Variants in LTA4H observed in about 807,000 individuals in gnomAD.
LTA4H encodes leukotriene A-4 hydrolase.
Under a neutral mutation model 89.8 loss-of-function variants are expected in LTA4H, and 59 were observed. That is an observed-to-expected ratio of 0.66 (90% CI 0.53 to 0.82). The LOEUF is 0.82. Ranked by LOEUF, LTA4H falls within the 40% of genes least tolerant of loss-of-function variation. The pLI is 0.00. For missense variants in LTA4H, 617 were observed against 727.0 expected, an observed-to-expected ratio of 0.85 and a Z score of 1.74; for synonymous variants, 227 against 253.1, an observed-to-expected ratio of 0.90 and a Z score of 0.98.
intron 10 of LTA4H, among the ~76,000 whole-genome samples, chr12:96,016,586 G>A (rs1323581183): frequency 1.3e-5 from 2 of 150,668 alleles, no homozygotes; most frequent in East Asian, 2.0e-4. Context: ...GGGCCACAGA[G>A]TGAGACCTTG....
intron 11 of LTA4H, chr12:96,015,217 A>G: frequency 2.0e-6 from 1 of 505,778 alleles, no homozygotes; most frequent in Non-Finnish European, 3.4e-6. Flanking sequence ...GCTCAATAAT[A>G]CAGGCTTTAT....
chr12:96,017,759 A>T (rs1022242259), intron 8 of LTA4H, among the ~76,000 whole-genome samples, 179 bp from the exon 9 acceptor site: 3 of 152,216 alleles, frequency 2.0e-5, no homozygotes, highest in Non-Finnish European at 4.4e-5. Context: ...AGAACTAAAA[A>T]TTAGCATCAT....
At chr12:96,014,062 G>C in intron 12 of LTA4H, 2 of 410,712 alleles carry the variant, frequency 4.9e-6, no homozygotes, top group Non-Finnish European at 8.6e-6. Flanking sequence ...TTCAGTGGAA[G>C]GGAGAAGAGA....
intron 6 of LTA4H, among the ~76,000 whole-genome samples, chr12:96,019,903 T>TTG (rs1249266895): frequency 6.7e-6 from 1 of 149,428 alleles, no homozygotes; most frequent in Non-Finnish European, 1.5e-5. Flanking sequence ...CCCAGCGTTT[T>TTG]TTTTTTTTTT....
chr12:96,004,249 T>G (rs1470013812), intron 16 of LTA4H, among the ~76,000 whole-genome samples: 1 of 152,200 alleles, frequency 6.6e-6, no homozygotes, highest in Non-Finnish European at 1.5e-5. Flanking sequence ...CTCTATAACT[T>G]ATATATCTTA....
chr12:96,036,110 T>G (rs185404864), upstream of LTA4H, among the ~76,000 whole-genome samples: 1 of 149,660 alleles, frequency 6.7e-6, no homozygotes, highest in African/African-American at 2.4e-5. Flanking sequence ...AATTGTTTTT[T>G]GTTTTTAGCT....
At chr12:96,025,638 C>A (rs1950505236) in intron 3 of LTA4H, among the ~76,000 whole-genome samples, 1 of 151,994 alleles carries the variant, frequency 6.6e-6, no homozygotes, top group South Asian at 2.1e-4. Flanking sequence ...TGAGACCAGC[C>A]TGGGCAACAT....
intron 1 of LTA4H, among the ~76,000 whole-genome samples, chr12:96,033,881 C>A (rs1950603974): frequency 6.6e-6 from 1 of 152,268 alleles, no homozygotes; most frequent in Non-Finnish European, 1.5e-5. Context: ...TTAAAGATAG[C>A]ATGGTACTTC....
At chr12:96,025,442 A>G (rs1219172806) in intron 3 of LTA4H, 1 of 152,240 alleles carries the variant, frequency 6.6e-6, no homozygotes, top group Non-Finnish European at 1.5e-5. Flanking sequence ...GAGAAAGAAC[A>G]GTCTCTTTCA....
In LTA4H at chr12:96,003,818, G is replaced by C. The variant is rs1053245054; in HGVS notation, c.1613+20C>G. 6.4e-7 allele frequency: 1 copy of C among 1,564,964 alleles called. No homozygotes were observed. Among genetic ancestry groups the C allele is most frequent in the African/African-American group, 1.4e-5 (1 of 73,610 alleles). On this transcript the variant is annotated intron_variant, in intron 17 of 18. Coordinates refer to ENST00000228740, the MANE Select transcript of LTA4H (RefSeq NM_000895.3). ...TTAGTTTTCTGCTTTCTTCCACAGA[G>C]ACAAGTTAAAATGATGTACCTGAAT...
At chr12:96,002,656 C>A (rs1328942139) in intron 18 of LTA4H, among the ~76,000 whole-genome samples, 1 of 152,202 alleles carries the variant, frequency 6.6e-6, no homozygotes, top group African/African-American at 2.4e-5. Context: ...TACCTACCCA[C>A]CAATTATCTT....
chr12:96,004,320 G>T (rs911686124), intron 16 of LTA4H, among the ~76,000 whole-genome samples: 1 of 152,088 alleles, frequency 6.6e-6, no homozygotes, highest in African/African-American at 2.4e-5. Context: ...ATTCCCCCTA[G>T]CTTTATCTTT....
intron 1 of LTA4H, among the ~76,000 whole-genome samples, chr12:96,041,281 C>T (rs1251801702): frequency 6.6e-6 from 1 of 151,882 alleles, no homozygotes; most frequent in African/African-American, 2.4e-5. Flanking sequence ...GTTGTTTTGG[C>T]ATTTGATGTT....
At chr12:96,003,788 G>T in intron 17 of LTA4H, 50 bp downstream of exon 17, 1 of 1,272,232 alleles carries the variant, frequency 7.9e-7, no homozygotes, top group South Asian at 1.2e-5. Flanking sequence ...ATCTTTCAAA[G>T]GAGTTTAGTT....
intron 3 of LTA4H, among the ~76,000 whole-genome samples, chr12:96,026,254 A>C (rs1592893917): frequency 6.6e-6 from 1 of 152,216 alleles, no homozygotes; most frequent in Non-Finnish European, 1.5e-5. Flanking sequence ...GATAAGGCCA[A>C]ACCCAGGCAA....
intron 2 of LTA4H, 157 bp from the exon 3 acceptor site, chr12:96,027,721 T>C: frequency 2.4e-6 from 1 of 421,160 alleles, no homozygotes; most frequent in Non-Finnish European, 4.2e-6. Context: ...AGTGGGTAAG[T>C]CTCCTCTCAG....
Position 96,003,845 on chromosome 12 carries a change from G to A in LTA4H, c.1606C>T (p.Arg536Ter), listed in dbSNP as rs1339523938. The part of the protein sequence containing the change: ...NFNAINNSEI[R>*]FRWLRLCIQS... ...CAAGTTAAAATGATGTACCTGAATC[G>A]TATTTCAGAATTGTTAATGGCATTG... The change falls in exon 17 of 19, where the codon CGA becomes TGA. Residue 536 changes from arginine to a stop codon, truncating the protein, a stop_gained. Transcript: ENST00000228740. LOFTEE classifies it high-confidence loss of function. The A allele has an allele frequency of 3.1e-6, 5 of 1,602,870 alleles. No individual in the cohort carries two copies. Among genetic ancestry groups the A allele is most frequent in the East Asian group, 2.3e-5 (1 of 44,386 alleles).
chr12:96,038,954 G>T (rs991024459), upstream of LTA4H, among the ~76,000 whole-genome samples: 10 of 151,268 alleles, frequency 6.6e-5, no homozygotes, highest in Non-Finnish European at 1.2e-4. Flanking sequence ...ATTACAGTAG[G>T]AATTGTTTTC....
At chr12:96,021,666 AACACACACACAC>A (rs60322768) in intron 5 of LTA4H, among the ~76,000 whole-genome samples, 26 of 147,244 alleles carry the variant, frequency 1.8e-4, no homozygotes, top group South Asian at 1.1e-3. Flanking sequence ...CAATTAAGAA[AACACACACACAC>A]ACACACACAC....
Sources: allele counts gnomAD v4.1 joint callset (sites outside exome capture counted in the v4.1 genomes callset), GRCh38; gene constraint gnomAD v4.1.1; transcripts MANE v1.5; gene names NCBI Gene and HGNC (gene_info 2026-07-23, HGNC 2026-07-21).